The following PCSK5 variants were observed in gnomAD, a reference collection of about 807,000 sequenced individuals.
PCSK5 encodes the protein proprotein convertase subtilisin/kexin type 5.
Under a neutral mutation model 233.2 loss-of-function variants are expected in PCSK5, and 129 were observed. That is an observed-to-expected ratio of 0.55 (90% CI 0.48 to 0.64). The LOEUF (loss-of-function observed/expected upper bound fraction) is 0.64. Ranked by LOEUF, PCSK5 falls within the 30% of genes least tolerant of loss-of-function variation. The pLI is 0.00. For synonymous variants in PCSK5, 825 were observed against 879.2 expected, an observed-to-expected ratio of 0.94 and a Z score of 1.09; for missense variants, 2,076 against 2,430.1, an observed-to-expected ratio of 0.85 and a Z score of 3.06.
chr9:76,249,123 G>A (rs1241563256), intron 24 of PCSK5, among the ~76,000 whole-genome samples: 1 of 152,172 alleles, frequency 6.6e-6, no homozygotes, highest in Non-Finnish European at 1.5e-5. Flanking sequence ...AGGCAATTAT[G>A]CTTCCATGAA....
chr9:76,224,030 TA>T (rs1456183533), intron 20 of PCSK5, among the ~76,000 whole-genome samples: 1 of 152,218 alleles, frequency 6.6e-6, no homozygotes, highest in African/African-American at 2.4e-5. Flanking sequence ...TCAGCTGTTC[TA>T]ACGTGAAGAG....
intron 3 of PCSK5, among the ~76,000 whole-genome samples, chr9:75,989,805 C>T (rs1826687439): frequency 6.6e-6 from 1 of 152,116 alleles, no homozygotes; most frequent in African/African-American, 2.4e-5. Context: ...CCTCAGAAGT[C>T]ACAGACCCTT....
intron 7 of PCSK5, among the ~76,000 whole-genome samples, chr9:76,073,975 A>G (rs1830561817): frequency 6.6e-6 from 1 of 152,174 alleles, no homozygotes; most frequent in African/African-American, 2.4e-5. Context: ...CCAACACATG[A>G]GGAAGATTAT....
chr9:75,958,305 T>C (rs986798641), intron 2 of PCSK5, among the ~76,000 whole-genome samples: 10 of 152,244 alleles, frequency 6.6e-5, no homozygotes, highest in African/African-American at 2.4e-4. Flanking sequence ...CCAGGCTCGA[T>C]AGTGTTCAAG....
chr9:76,256,950 A>G (rs1827002888), intron 24 of PCSK5, among the ~76,000 whole-genome samples: 1 of 152,236 alleles, frequency 6.6e-6, no homozygotes, highest in African/African-American at 2.4e-5. Flanking sequence ...GTCCCTAGAG[A>G]TTATGATGAA....
At position 75,900,941 on chromosome 9, in the gene PCSK5, A is replaced by G. The variant is rs150696179; in HGVS notation, c.192+9568A>G. On this transcript the variant is annotated intron_variant, in intron 1 of 37. Coordinates refer to ENST00000674117, the MANE Select transcript of PCSK5 (RefSeq NM_001372043.1). ...CAGCACCTAGAACAGTGTGTGGTACAGGAGAAACACAGTGAGCACGTGGGC... is the reference window on the plus strand; with the variant it reads ...CAGCACCTAGAACAGTGTGTGGTACGGGAGAAACACAGTGAGCACGTGGGC... Among the ~76,000 whole-genome samples the G allele has an allele frequency of 4.8e-4, 73 of 152,202 alleles. 1 individual carries two copies. Among genetic ancestry groups the G allele is most frequent in the African/African-American group, 1.7e-3 (72 of 41,526 alleles).
intron 27 of PCSK5, among the ~76,000 whole-genome samples, chr9:76,300,446 TACTCA>T: frequency 6.6e-6 from 1 of 152,208 alleles, no homozygotes; most frequent in African/African-American, 2.4e-5. Context: ...GATCGTTATA[TACTCA>T]GGAGTTCTGG....
At chr9:76,005,276 T>G (rs1231592996) in intron 3 of PCSK5, among the ~76,000 whole-genome samples, 1 of 152,220 alleles carries the variant, frequency 6.6e-6, no homozygotes, top group Non-Finnish European at 1.5e-5. Flanking sequence ...ACAAATTTTT[T>G]TCTCTATGAT....
intron 2 of PCSK5, among the ~76,000 whole-genome samples, chr9:75,978,266 C>A (rs547048820): frequency 6.6e-6 from 1 of 152,196 alleles, no homozygotes; most frequent in Non-Finnish European, 1.5e-5. Context: ...TGTCAAGCAT[C>A]GTCTTTGGTA....
intron 20 of PCSK5, among the ~76,000 whole-genome samples, chr9:76,206,263 G>A (rs1825112050): frequency 6.6e-6 from 1 of 152,226 alleles, no homozygotes; most frequent in African/African-American, 2.4e-5. Context: ...AATGATACTA[G>A]AAAGATGTGG....
chr9:76,070,289 C>T (rs568982639), intron 6 of PCSK5, among the ~76,000 whole-genome samples: 313 of 152,272 alleles, frequency 2.1e-3, no homozygotes, highest in African/African-American at 7.3e-3. Flanking sequence ...CGTGAGCCAC[C>T]GCACCCGTCC....
At chr9:76,295,717 T>C (rs781096427) in intron 26 of PCSK5, among the ~76,000 whole-genome samples, 4 of 152,186 alleles carry the variant, frequency 2.6e-5, no homozygotes, top group African/African-American at 4.8e-5. Context: ...GGCATTGAAG[T>C]CACCTGGCAT....
intron 35 of PCSK5, 98 bp from the exon 36 acceptor site, chr9:76,350,730 A>G (rs1587365628): frequency 1.3e-6 from 1 of 773,574 alleles, no homozygotes; most frequent in East Asian, 2.6e-5. Flanking sequence ...TTCTGCTTCA[A>G]TTTACTTGAC....
intron 29 of PCSK5, 71 bp downstream of exon 29, chr9:76,308,799 T>G: frequency 1.1e-6 from 1 of 943,968 alleles, no homozygotes; most frequent in Non-Finnish European, 1.7e-6. Context: ...TAGTGGCATC[T>G]TGGTGTAAGG....
At chr9:75,967,264 A>G (rs1219906140) in intron 2 of PCSK5, among the ~76,000 whole-genome samples, 1 of 152,124 alleles carries the variant, frequency 6.6e-6, no homozygotes, top group Non-Finnish European at 1.5e-5. Context: ...GCCCTCTAGT[A>G]GCCCCCAGTA....
chr9:75,935,406 T>TAC (rs1433559086), intron 2 of PCSK5, among the ~76,000 whole-genome samples: 2 of 152,224 alleles, frequency 1.3e-5, no homozygotes, highest in Non-Finnish European at 2.9e-5. Flanking sequence ...TGCATATATA[T>TAC]ACATTTTCTG....
At chr9:76,346,435 T>G (rs1163209526) in intron 35 of PCSK5, among the ~76,000 whole-genome samples, 1 of 152,054 alleles carries the variant, frequency 6.6e-6, no homozygotes, top group Non-Finnish European at 1.5e-5. Flanking sequence ...TGACTAGGAG[T>G]TAGTGGGTAA....
At chr9:76,224,140 T>C (rs928493476) in intron 20 of PCSK5, among the ~76,000 whole-genome samples, 4 of 152,060 alleles carry the variant, frequency 2.6e-5, no homozygotes, top group African/African-American at 9.7e-5. Context: ...TGTTTCCAAA[T>C]AGTAGGAGGA....
intron 36 of PCSK5, among the ~76,000 whole-genome samples, chr9:76,351,519 A>AG (rs1491556030): frequency 9.7e-5 from 7 of 72,430 alleles, no homozygotes; most frequent in African/African-American, 2.7e-4. Flanking sequence ...AAAGAAAGAA[A>AG]GAAAGAAAGA....
Sources: allele counts gnomAD v4.1 joint callset (sites outside exome capture counted in the v4.1 genomes callset), GRCh38; gene constraint gnomAD v4.1.1; transcripts MANE v1.5; gene names NCBI Gene and HGNC (gene_info 2026-07-23, HGNC 2026-07-21).